SHLD1: variants seen among roughly 807,000 people sequenced by gnomAD.
The protein encoded by SHLD1 is shieldin complex subunit 1.
SHLD1 carries 3 observed loss-of-function variants against 5.5 expected under a neutral mutation model. The observed-to-expected ratio is 0.54, with a 90% CI of 0.25 to 1.40. The LOEUF is 1.40. Ranked by LOEUF, SHLD1 falls within the 40% of genes most tolerant of loss-of-function variation. The pLI is 0.15. For synonymous variants in SHLD1, 92 were observed against 94.3 expected, an observed-to-expected ratio of 0.98 and a Z score of 0.14; for missense variants, 210 against 244.4, an observed-to-expected ratio of 0.86 and a Z score of 0.94.
chr20:5,754,914 G>A (rs1415363016), intron 1 of SHLD1, among the ~76,000 whole-genome samples: 1 of 152,112 alleles, frequency 6.6e-6, no homozygotes, highest in Non-Finnish European at 1.5e-5. Context: ...AAATTACCTG[G>A]GCGTGGTGGC....
At chr20:5,795,507 G>A (rs2087198642) in intron 2 of SHLD1, among the ~76,000 whole-genome samples, 1 of 149,890 alleles carries the variant, frequency 6.7e-6, no homozygotes, top group South Asian at 2.1e-4. Context: ...GCTGAGGCAG[G>A]AGAATTGCTT....
intron 2 of SHLD1, among the ~76,000 whole-genome samples, chr20:5,819,215 C>T (rs1444929270): frequency 1.3e-5 from 2 of 152,070 alleles, no homozygotes; most frequent in African/African-American, 2.4e-5. Flanking sequence ...TTAGGTTCCC[C>T]CTAGTGGAAC....
At chr20:5,783,206 T>C (rs2087010354) in intron 2 of SHLD1, among the ~76,000 whole-genome samples, 1 of 152,136 alleles carries the variant, frequency 6.6e-6, no homozygotes, top group Non-Finnish European at 1.5e-5. Context: ...TTGTTGCCTC[T>C]TCCTAGATTT....
At chr20:5,793,939 A>G (rs562751281) in intron 2 of SHLD1, among the ~76,000 whole-genome samples, 1 of 151,972 alleles carries the variant, frequency 6.6e-6, no homozygotes, top group South Asian at 2.1e-4. Flanking sequence ...TGAACTCCTG[A>G]CTTCAGGTGA....
intron 2 of SHLD1, among the ~76,000 whole-genome samples, chr20:5,827,922 C>T (rs1227414080): frequency 1.3e-5 from 2 of 152,204 alleles, no homozygotes; most frequent in African/African-American, 4.8e-5. Context: ...ACACCATGGT[C>T]ATCTCTGCAT....
At chr20:5,834,267 C>G (rs1344350231) in intron 2 of SHLD1, among the ~76,000 whole-genome samples, 1 of 152,164 alleles carries the variant, frequency 6.6e-6, no homozygotes, top group Non-Finnish European at 1.5e-5. Context: ...GGAGTGGGTT[C>G]TCCTATCCTG....
At chr20:5,800,711 G>A (rs1431100140) in intron 2 of SHLD1, among the ~76,000 whole-genome samples, 2 of 151,874 alleles carry the variant, frequency 1.3e-5, no homozygotes, top group African/African-American at 4.8e-5. Context: ...AAGAATTTAT[G>A]TACAGAGGTT....
chr20:5,817,128 C>G (rs765570377), intron 2 of SHLD1, among the ~76,000 whole-genome samples: 3 of 152,078 alleles, frequency 2.0e-5, no homozygotes, highest in African/African-American at 7.2e-5. Flanking sequence ...GCTGCTTTCA[C>G]GTCCTTGTTT....
At chr20:5,757,548 T>C (rs1192172345) in intron 1 of SHLD1, among the ~76,000 whole-genome samples, 1 of 152,158 alleles carries the variant, frequency 6.6e-6, no homozygotes, top group Non-Finnish European at 1.5e-5. Context: ...TATATGTGTG[T>C]ATCTGTTTTG....
At chr20:5,854,870 C>CTTTTTTTTTTTTT (rs1568532959) in intron 2 of SHLD1, among the ~76,000 whole-genome samples, 2 of 18,144 alleles carry the variant, frequency 1.1e-4, no homozygotes, top group African/African-American at 1.0e-3. Flanking sequence ...GTCTCTATGA[C>CTTTTTTTTTTTTT]TCTTTTTTTT....
Position 5,778,418 on chromosome 20 carries a change from C to T in SHLD1, c.178+5375C>T, listed in dbSNP as rs534492555. Among the ~76,000 whole-genome samples the T allele has an allele frequency of 1.9e-4, 28 of 151,226 alleles. No homozygotes were observed. The South Asian group carries it at 5.4e-3, about 29-fold the overall frequency. ...AGGAGTTTGAGACCAGCCTGGACAA[C>T]GTAGCAAAACCCTGTCTCTACTAAA... On this transcript the variant is annotated intron_variant, in intron 2 of 2. Coordinates refer to ENST00000303142, the MANE Select transcript of SHLD1 (RefSeq NM_152504.4).
At chr20:5,789,083 G>A (rs182194141) in intron 2 of SHLD1, among the ~76,000 whole-genome samples, 168 of 151,984 alleles carry the variant, frequency 1.1e-3, no homozygotes, top group African/African-American at 3.7e-3. Flanking sequence ...AGCTGAGATC[G>A]AGCCACTGCA....
intron 2 of SHLD1, among the ~76,000 whole-genome samples, chr20:5,827,034 T>C (rs759491818): frequency 2.6e-5 from 4 of 152,042 alleles, no homozygotes; most frequent in Non-Finnish European, 4.4e-5. Context: ...GCTGCTTGAC[T>C]GTATCAGCTC....
intron 2 of SHLD1, among the ~76,000 whole-genome samples, chr20:5,815,359 T>G (rs908597302): frequency 2.0e-5 from 3 of 152,168 alleles, no homozygotes; most frequent in African/African-American, 7.2e-5. Flanking sequence ...AGAGCAGTGC[T>G]TCTCAAAATG....
In SHLD1 at chr20:5,804,270, C is replaced by CTA. The variant is rs747821918; in HGVS notation, c.178+31238_178+31239dup. On this transcript the variant is annotated intron_variant, in intron 2 of 2. Transcript: ENST00000303142. ...CAGAGGTTGCAATGAGCCGTACTTA[C>CTA]TATATATATATAGTAACTTACTATA... Among the ~76,000 whole-genome samples, 1,041 of 150,730 alleles carry CTA rather than the reference C, an allele frequency of 6.9e-3. 10 individuals carry two copies. Among genetic ancestry groups the CTA allele is most frequent in the African/African-American group, 0.024 (978 of 41,016 alleles).
intron 2 of SHLD1, among the ~76,000 whole-genome samples, chr20:5,825,844 G>A (rs2087659339): frequency 6.6e-6 from 1 of 152,214 alleles, no homozygotes; most frequent in Non-Finnish European, 1.5e-5. Flanking sequence ...TGCTGCAAGA[G>A]ACCTTAAATG....
chr20:5,800,003 G>C (rs1331404565), intron 2 of SHLD1, among the ~76,000 whole-genome samples: 3 of 63,476 alleles, frequency 4.7e-5, no homozygotes, highest in Non-Finnish European at 9.7e-5. Context: ...TATTGCTAGA[G>C]CAGTGGTTCT....
At chr20:5,760,708 AC>A (rs1293001639) in intron 1 of SHLD1, among the ~76,000 whole-genome samples, 1 of 151,916 alleles carries the variant, frequency 6.6e-6, no homozygotes, top group Non-Finnish European at 1.5e-5. Context: ...TAAAAAAAAA[AC>A]AACAAGGTGA....
At chr20:5,850,417 G>A (rs557072728) in intron 2 of SHLD1, among the ~76,000 whole-genome samples, 45 of 151,890 alleles carry the variant, frequency 3.0e-4, no homozygotes, top group African/African-American at 1.1e-3. Context: ...TCTGCACCTA[G>A]CACTGGGCTT....
Sources: gnomAD v4.1 joint callset for allele counts (sites outside exome capture counted in the v4.1 genomes callset) on GRCh38, gnomAD v4.1.1 for gene constraint, MANE v1.5 for transcripts, NCBI Gene and HGNC (gene_info 2026-07-23, HGNC 2026-07-21) for gene names.